PYM1: variants seen among roughly 807,000 people sequenced by gnomAD.
PYM1 encodes partner of Y14 and mago.
Under a neutral mutation model 20.7 loss-of-function variants are expected in PYM1, and 7 were observed. The observed-to-expected ratio is 0.34, with a 90% CI of 0.19 to 0.64. The LOEUF is 0.64. Among genes scored for constraint, PYM1 ranks in the 30% least tolerant of loss-of-function variants. The pLI is 0.74. For missense variants in PYM1, 194 were observed against 250.0 expected (o/e 0.78, Z 1.51); for synonymous variants, 100 against 99.2 (o/e 1.01, Z -0.05).
chr12:55,912,026 C>A (rs1261798528), intron 1 of PYM1, among the ~76,000 whole-genome samples: 2 of 151,666 alleles, frequency 1.3e-5, no homozygotes, highest in Non-Finnish European at 2.9e-5. Flanking sequence ...ATATTGAGAC[C>A]CTATCTCTAT....
At chr12:55,921,690 G>A (rs901775067) in intron 1 of PYM1, among the ~76,000 whole-genome samples, 2 of 152,076 alleles carry the variant, frequency 1.3e-5, no homozygotes, top group Non-Finnish European at 2.9e-5. Flanking sequence ...AAATGTCAAA[G>A]GGAGATGGGC....
intron 1 of PYM1, among the ~76,000 whole-genome samples, chr12:55,906,820 G>A (rs939695989): frequency 1.3e-5 from 2 of 151,872 alleles, no homozygotes; most frequent in African/African-American, 4.8e-5. Flanking sequence ...GGCTAATTTT[G>A]TGTTTTTAGT....
intron 1 of PYM1, among the ~76,000 whole-genome samples, chr12:55,925,362 C>G (rs1370486259): frequency 6.6e-6 from 1 of 152,084 alleles, no homozygotes; most frequent in Non-Finnish European, 1.5e-5. Context: ...GGTAAGGAGG[C>G]TAAAGTGATG....
At chr12:55,905,987 A>ATCT (rs1565714584) in intron 1 of PYM1, among the ~76,000 whole-genome samples, 4 of 124,394 alleles carry the variant, frequency 3.2e-5, no homozygotes, top group Non-Finnish European at 6.2e-5. Context: ...TATTATATAT[A>ATCT]ATATAAAATA....
chr12:55,904,742 T>C (rs911013273), intron 1 of PYM1, among the ~76,000 whole-genome samples: 1 of 151,642 alleles, frequency 6.6e-6, no homozygotes, highest in Non-Finnish European at 1.5e-5. Context: ...CCGGGTGTGA[T>C]GGCACACGTC....
At chr12:55,924,532 A>G (rs1883156388) in intron 1 of PYM1, among the ~76,000 whole-genome samples, 4 of 152,208 alleles carry the variant, frequency 2.6e-5, no homozygotes, top group Non-Finnish European at 5.9e-5. Context: ...GAAAAAGGAA[A>G]CAAAAATGAT....
chr12:55,903,016 C>T (rs2136256028), intron 2 of PYM1, among the ~76,000 whole-genome samples: 1 of 152,266 alleles, frequency 6.6e-6, no homozygotes, highest in Middle Eastern at 3.4e-3. Context: ...CTCCTGACCT[C>T]AAGTAATCCA....
chr12:55,926,961 CG>C (rs1412604948), intron 1 of PYM1: 3 of 1,130,448 alleles, frequency 2.7e-6, no homozygotes, highest in Admixed American at 6.0e-5. Context: ...GAAGGCGGTC[CG>C]GGGGGCGGGG....
intron 1 of PYM1, among the ~76,000 whole-genome samples, chr12:55,904,327 C>T (rs1032668203): frequency 2.0e-5 from 3 of 151,176 alleles, no homozygotes; most frequent in African/African-American, 7.3e-5. Flanking sequence ...GGCACGGTGG[C>T]TCATGCCTAT....
chr12:55,927,305 C>T, intron 1 of PYM1: 2 of 850,406 alleles, frequency 2.4e-6, no homozygotes, highest in Non-Finnish European at 3.9e-6. Context: ...GGGCTTTTTA[C>T]TGCCACCGAT....
At chr12:55,923,461 T>C (rs982460194) in intron 1 of PYM1, among the ~76,000 whole-genome samples, 5 of 149,602 alleles carry the variant, frequency 3.3e-5, no homozygotes, top group African/African-American at 1.2e-4. Context: ...AGCTACTCAG[T>C]AGGTTGAGAT....
At chr12:55,915,820 C>T (rs1361965317) in intron 1 of PYM1, among the ~76,000 whole-genome samples, 1 of 152,000 alleles carries the variant, frequency 6.6e-6, no homozygotes, top group Non-Finnish European at 1.5e-5. Flanking sequence ...AAATCAGCAG[C>T]CAGTATTTCT....
In PYM1 at chr12:55,901,888, A is replaced by C; in HGVS notation, c.599T>G (p.Leu200Trp). 3 of 1,609,798 alleles carry C rather than the reference A, an allele frequency of 1.9e-6. No individual in the cohort carries two copies. Among genetic ancestry groups the C allele is most frequent in the Non-Finnish European group, 2.5e-6 (3 of 1,178,476 alleles). ...CCAAAGGCCTCAGAGGCCTAACTCC[A>C]AGTCCTCTAACTCCTCTTCTAGCGC... is the stretch of plus-strand genomic sequence containing the variant. ...RRALEEELED[L>W]ELGL The change falls in exon 3 of 3, where the codon TTG (leucine) becomes TGG (tryptophan). Residue 200 changes from leucine (L) to tryptophan (W), a missense_variant. Around this residue, in one of 3 missense-constraint regions of PYM1, gnomAD observed 158 missense variants for 179.0 expected, o/e 0.88. Transcript: ENST00000408946.
chr12:55,916,970 C>T (rs1043952543), intron 1 of PYM1, among the ~76,000 whole-genome samples: 10 of 151,560 alleles, frequency 6.6e-5, no homozygotes, highest in African/African-American at 1.2e-4. Context: ...GGCATGGTGG[C>T]GCACACCTGT....
chr12:55,910,860 A>G (rs901687138), intron 1 of PYM1, among the ~76,000 whole-genome samples: 1 of 152,204 alleles, frequency 6.6e-6, no homozygotes, highest in African/African-American at 2.4e-5. Context: ...AGGTAAATTT[A>G]AACATTTCTG....
chr12:55,920,412 G>A (rs1883077851), intron 1 of PYM1, among the ~76,000 whole-genome samples: 1 of 151,948 alleles, frequency 6.6e-6, no homozygotes, highest in African/African-American at 2.4e-5. Context: ...GCCAAGGTGG[G>A]CGATCCTTTG....
At chr12:55,903,571 TCAGCACC>T in intron 1 of PYM1, 91 bp from the exon 2 acceptor site, 1 of 1,208,178 alleles carries the variant, frequency 8.3e-7, no homozygotes, top group Non-Finnish European at 1.2e-6. Flanking sequence ...ATACCATCTC[TCAGCACC>T]CATTCATCCA....
intron 1 of PYM1, among the ~76,000 whole-genome samples, chr12:55,905,554 T>G (rs1018385931): frequency 6.7e-6 from 1 of 148,938 alleles, no homozygotes; most frequent in Non-Finnish European, 1.5e-5. Context: ...ATACAAAAAT[T>G]AGCTGGGCGT....
chr12:55,926,936 G>A (rs1294196530), intron 1 of PYM1: 3 of 883,674 alleles, frequency 3.4e-6, no homozygotes, highest in South Asian at 1.8e-5. Flanking sequence ...CACCCCGTAG[G>A]AGAGAATGAA....
Sources: gnomAD v4.1 joint callset for allele counts (sites outside exome capture counted in the v4.1 genomes callset) on GRCh38, gnomAD v4.1.1 for gene constraint, gnomAD v4.1.1 regional missense constraint, MANE v1.5 for transcripts, NCBI Gene and HGNC (gene_info 2026-07-23, HGNC 2026-07-21) for gene names.